Variants in PLCE1 observed in about 807,000 individuals in gnomAD.
PLCE1 encodes phospholipase C epsilon 1.
A neutral mutation model predicts 242.8 loss-of-function variants in PLCE1; 119 were observed. The ratio of observed to expected loss-of-function variants is 0.49; its 90% CI spans 0.42 to 0.57. The LOEUF (loss-of-function observed/expected upper bound fraction) is 0.57, where lower values mean the gene tolerates loss of function less well. PLCE1 is among the 20% of genes least tolerant of loss of function. The probability of loss-of-function intolerance (pLI) is 0.00; values close to 1 mark genes in which losing one functional copy is unlikely to be tolerated. For synonymous variants in PLCE1, 945 were observed against 1,017.4 expected (o/e 0.93, Z 1.35); for missense variants, 2,441 against 2,788.8 (o/e 0.88, Z 2.81).
chr10:94,241,190 C>T (rs1231874456), intron 7 of PLCE1, among the ~76,000 whole-genome samples: 21 of 152,122 alleles, frequency 1.4e-4, no homozygotes, highest in Admixed American at 1.4e-3. Flanking sequence ...AGAAAGACAG[C>T]GTCCCCTCTC....
chr10:94,077,551 G>A (rs2044540724), intron 2 of PLCE1, among the ~76,000 whole-genome samples: 1 of 152,160 alleles, frequency 6.6e-6, no homozygotes. Flanking sequence ...CTTAAGGCTA[G>A]CAGTTTGAGA....
chr10:94,315,399 C>T (rs1325466072), intron 28 of PLCE1: 2 of 455,918 alleles, frequency 4.4e-6, no homozygotes, highest in East Asian at 6.9e-5. Context: ...CACGGGAAGG[C>T]AACAAAGGGA....
chr10:94,031,810 A>G lies in PLCE1; in HGVS notation c.764A>G (p.His255Arg), dbSNP rs2061564373. ...DNKNEQLQCD[H>R]CDTLNDKYFC... is the part of the protein sequence containing the mutation. ...AAGAATGAGCAGCTGCAGTGTGATC[A>G]TTGTGACACCTTGAATGATAAATAC... The change falls in exon 2 of 33, where the codon CAT becomes CGT. Residue 255 changes from histidine (H) to arginine (R), a missense_variant. Around this residue, in one of 5 missense-constraint regions of PLCE1, gnomAD observed 393 missense variants for 378.5 expected, o/e 1.04. Transcript: ENST00000371380. 2 of 1,613,852 alleles carry G rather than the reference A, an allele frequency of 1.2e-6. No individual in the cohort carries two copies. Among genetic ancestry groups the G allele is most frequent in the Non-Finnish European group, 1.7e-6 (2 of 1,179,872 alleles).
At chr10:94,308,347 A>C (rs1432153038) in intron 26 of PLCE1, among the ~76,000 whole-genome samples, 1 of 151,738 alleles carries the variant, frequency 6.6e-6, no homozygotes, top group Non-Finnish European at 1.5e-5. Flanking sequence ...GTTTTGTCTG[A>C]GTTTAAGGTT....
intron 3 of PLCE1, among the ~76,000 whole-genome samples, chr10:94,141,510 AAGGTGAAGGGAAGGCTAAGG>A (rs2046954195): frequency 2.1e-5 from 1 of 48,442 alleles, no homozygotes; most frequent in Non-Finnish European, 5.1e-5. Flanking sequence ...AGGCGAAGGG[AAGGTGAAGGGAAGGCTAAGG>A]GAAGGTGAAG....
intron 1 of PLCE1, among the ~76,000 whole-genome samples, chr10:94,003,069 C>T (rs1037979792): frequency 2.6e-5 from 4 of 152,136 alleles, no homozygotes; most frequent in Non-Finnish European, 4.4e-5. Flanking sequence ...TTTATTTAAT[C>T]AACTTAACTT....
intron 2 of PLCE1, among the ~76,000 whole-genome samples, chr10:94,076,733 G>A (rs1432664525): frequency 1.3e-5 from 2 of 150,782 alleles, no homozygotes; most frequent in East Asian, 1.9e-4. Flanking sequence ...CCTCCTAGAA[G>A]GCCAGGGTGC....
At chr10:94,182,824 G>T (rs2048354829) in intron 4 of PLCE1, among the ~76,000 whole-genome samples, 1 of 152,130 alleles carries the variant, frequency 6.6e-6, no homozygotes, top group East Asian at 1.9e-4. Flanking sequence ...ACTTATTGGA[G>T]ACATGTTTAA....
chr10:94,127,604 T>C (rs1285468189), intron 2 of PLCE1, among the ~76,000 whole-genome samples: 1 of 152,192 alleles, frequency 6.6e-6, no homozygotes, highest in African/African-American at 2.4e-5. Flanking sequence ...AAGGAAATAA[T>C]TCGCGGCCAT....
intron 3 of PLCE1, chr10:94,138,548 G>T: frequency 2.1e-6 from 1 of 474,798 alleles, no homozygotes; most frequent in South Asian, 1.7e-5. Context: ...GTGTGACTCA[G>T]ACTCCATCTG....
intron 2 of PLCE1, among the ~76,000 whole-genome samples, chr10:94,038,287 A>G (rs2061703672): frequency 6.6e-6 from 1 of 152,034 alleles, no homozygotes; most frequent in Admixed American, 6.5e-5. Context: ...CCACGACTAG[A>G]CTAACTGGTG....
chr10:94,258,958 G>GC (rs34702180), intron 12 of PLCE1, 36 bp downstream of exon 12: 61 of 1,613,590 alleles, frequency 3.8e-5, no homozygotes, highest in Non-Finnish European at 4.6e-5. Context: ...TCTTTCTCAG[G>GC]CCCCCCCATT....
rs764335423 is a variant in PLCE1 at position 94,031,434 on chromosome 10, G to A, written c.388G>A (p.Ala130Thr). 2 of 1,613,722 alleles carry A rather than the reference G, an allele frequency of 1.2e-6. No individual in the cohort carries two copies. The highest frequency in any genetic ancestry group is 1.1e-5 in the South Asian group (1 of 91,076). Residue 130 changes from alanine to threonine, a missense_variant, in exon 2 of 33, where the codon GCT (alanine) becomes ACT (threonine). Ala to Thr is a moderately conservative substitution (Grantham distance 58, BLOSUM62 0). Coordinates refer to ENST00000371380, the MANE Select transcript of PLCE1 (RefSeq NM_016341.4). Reference protein sequence around the residue: ...RQFYEMYNSVAEEDLCLETGI... With the variant: ...RQFYEMYNSVTEEDLCLETGI... ...ATTTTATGAAATGTACAACTCTGTT[G>A]CTGAGGAAGACTTGTGTTTAGAAAC...
chr10:94,011,019 C>T (rs937610137), intron 1 of PLCE1, among the ~76,000 whole-genome samples: 2 of 152,126 alleles, frequency 1.3e-5, no homozygotes, highest in Admixed American at 6.5e-5. Context: ...TAGCAATGCC[C>T]CAGTCCCCAG....
chr10:94,034,742 G>T (rs1201736719), intron 2 of PLCE1, among the ~76,000 whole-genome samples: 1 of 152,128 alleles, frequency 6.6e-6, no homozygotes, highest in African/African-American at 2.4e-5. Flanking sequence ...GAATCACTGG[G>T]GTAGGGCACA....
chr10:94,299,221 ACT>A (rs1343967490), intron 24 of PLCE1, among the ~76,000 whole-genome samples: 1 of 152,144 alleles, frequency 6.6e-6, no homozygotes, highest in Non-Finnish European at 1.5e-5. Context: ...TGTCAATGAG[ACT>A]CTGATATGAC....
chr10:94,110,978 G>T (rs2045936526), intron 2 of PLCE1, among the ~76,000 whole-genome samples: 1 of 152,160 alleles, frequency 6.6e-6, no homozygotes, highest in Admixed American at 6.6e-5. Flanking sequence ...AAACAAAAAT[G>T]TCTCCACACA....
intron 1 of PLCE1, among the ~76,000 whole-genome samples, chr10:93,998,511 G>T (rs892411218): frequency 6.6e-6 from 1 of 152,090 alleles, no homozygotes; most frequent in East Asian, 1.9e-4. Context: ...ATTTCCCTGG[G>T]GTTTACCTAG....
chr10:94,187,146 ATGTGTGTG>A (rs372501153), intron 4 of PLCE1, among the ~76,000 whole-genome samples: 49 of 145,506 alleles, frequency 3.4e-4, no homozygotes, highest in African/African-American at 5.2e-4. Flanking sequence ...TGAAACATAT[ATGTGTGTG>A]TGTGTGTGTG....
Sources: gnomAD v4.1 joint callset for allele counts (sites outside exome capture counted in the v4.1 genomes callset) on GRCh38, gnomAD v4.1.1 for gene constraint, gnomAD v4.1.1 regional missense constraint, MANE v1.5 for transcripts, NCBI Gene and HGNC (gene_info 2026-07-23, HGNC 2026-07-21) for gene names.